Variants in ARHGAP10 observed in about 807,000 individuals in gnomAD.
ARHGAP10 encodes rho GTPase-activating protein 10.
A neutral mutation model predicts 108.6 loss-of-function variants in ARHGAP10; 87 were observed. That is an observed-to-expected ratio of 0.80 (90% confidence interval 0.67 to 0.96). The LOEUF (loss-of-function observed/expected upper bound fraction) is 0.96. Ranked by LOEUF, ARHGAP10 falls within the 40% of genes least tolerant of loss-of-function variation. The probability of loss-of-function intolerance (pLI) is 0.00; values close to 1 mark genes in which losing one functional copy is unlikely to be tolerated. For missense variants in ARHGAP10, 939 were observed against 954.5 expected (o/e 0.98, Z 0.21); for synonymous variants, 347 against 341.1 (o/e 1.02, Z -0.19).
At chr4:147,997,115 A>T (rs1487125384) in intron 18 of ARHGAP10, among the ~76,000 whole-genome samples, 5 of 152,362 alleles carry the variant, frequency 3.3e-5, no homozygotes, top group South Asian at 2.1e-4. Flanking sequence ...ATGGGAAGAG[A>T]TTCAAGAAGT....
chr4:148,034,237 T>C lies in ARHGAP10; in HGVS notation c.1867+10824T>C, dbSNP rs535860224. On this transcript the variant is annotated intron_variant, in intron 19 of 22. Coordinates refer to ENST00000336498, the MANE Select transcript of ARHGAP10 (RefSeq NM_024605.4). ...ATGTTTGGTATGCTTTCAAATAAAA[T>C]GTAATTTAGTCTTTTATTTCTGGTT... 4.7e-4 allele frequency among the ~76,000 whole-genome samples: 72 copies of C among 152,344 alleles called. 1 individual carries two copies. The highest frequency in any genetic ancestry group is 9.0e-4 in the Non-Finnish European group (61 of 68,022).
At chr4:147,994,205 C>T (rs1293053196) in intron 18 of ARHGAP10, among the ~76,000 whole-genome samples, 1 of 152,190 alleles carries the variant, frequency 6.6e-6, no homozygotes, top group African/African-American at 2.4e-5. Context: ...AACATTACTA[C>T]ATGGATGGCT....
chr4:147,889,426 G>T (rs76363573), intron 10 of ARHGAP10, among the ~76,000 whole-genome samples: 1 of 152,018 alleles, frequency 6.6e-6, no homozygotes, highest in Non-Finnish European at 1.5e-5. Flanking sequence ...CAGCCTCCCA[G>T]GTAGCTGGGA....
chr4:147,935,320 A>G (rs1483076750), intron 13 of ARHGAP10, among the ~76,000 whole-genome samples: 1 of 152,166 alleles, frequency 6.6e-6, no homozygotes, highest in East Asian at 1.9e-4. Flanking sequence ...GACATTAGAT[A>G]ATAATAGTGG....
intron 1 of ARHGAP10, among the ~76,000 whole-genome samples, chr4:147,736,128 G>T (rs1254776421): frequency 1.3e-4 from 20 of 150,968 alleles, no homozygotes; most frequent in Non-Finnish European, 8.8e-5. Context: ...AGCTGTGTGT[G>T]TGTGTGTGTG....
At chr4:148,040,814 T>TGGG (rs548288482) in intron 19 of ARHGAP10, among the ~76,000 whole-genome samples, 7 of 151,592 alleles carry the variant, frequency 4.6e-5, no homozygotes, top group African/African-American at 1.7e-4. Context: ...AAAAAAGATT[T>TGGG]GGGGGGGGTT....
At chr4:147,966,199 G>A (rs772356339) in intron 17 of ARHGAP10, among the ~76,000 whole-genome samples, 8 of 152,230 alleles carry the variant, frequency 5.3e-5, no homozygotes, top group East Asian at 1.9e-4. Flanking sequence ...GAGGGGAACA[G>A]TAAACTAAGG....
At chr4:147,784,821 A>T in intron 1 of ARHGAP10, among the ~76,000 whole-genome samples, 1 of 26,942 alleles carries the variant, frequency 3.7e-5, no homozygotes, top group Non-Finnish European at 1.8e-4. Flanking sequence ...ATTATAAAAT[A>T]TATATTATAA....
At chr4:147,800,278 C>CACT (rs1172017526) in intron 1 of ARHGAP10, among the ~76,000 whole-genome samples, 1 of 152,190 alleles carries the variant, frequency 6.6e-6, no homozygotes, top group Non-Finnish European at 1.5e-5. Context: ...TTGAGCCAGA[C>CACT]ACTTGTTGAG....
At chr4:147,959,515 C>T (rs969300192) in intron 16 of ARHGAP10, among the ~76,000 whole-genome samples, 6 of 151,976 alleles carry the variant, frequency 3.9e-5, no homozygotes, top group Admixed American at 2.0e-4. Flanking sequence ...TATCCCTCCC[C>T]GCTCCCCCCA....
Position 147,900,869 on chromosome 4 carries a change from T to C in ARHGAP10, c.1035-5769T>C, listed in dbSNP as rs551063701. 4.6e-5 allele frequency among the ~76,000 whole-genome samples: 7 copies of C among 152,308 alleles called. No individual in the cohort carries two copies. In the South Asian group the frequency reaches 1.5e-3, roughly 32 times the overall value. Reference sequence around the variant, plus strand: ...CACGCCTTGAGACAGGTTCTTGTTATTTTGCCCAGGCTGGTCTCAAACTCC... The same window carrying C: ...CACGCCTTGAGACAGGTTCTTGTTACTTTGCCCAGGCTGGTCTCAAACTCC... On this transcript the variant is annotated intron_variant, in intron 10 of 22. Transcript: ENST00000336498.
At chr4:147,817,965 C>G (rs1258319786) in intron 1 of ARHGAP10, among the ~76,000 whole-genome samples, 1 of 152,126 alleles carries the variant, frequency 6.6e-6, no homozygotes, top group East Asian at 1.9e-4. Context: ...CAGTTGAGAT[C>G]TGGGCAAAAG....
chr4:147,984,977 C>T (rs899479962), intron 18 of ARHGAP10, among the ~76,000 whole-genome samples: 3 of 152,122 alleles, frequency 2.0e-5, no homozygotes, highest in Non-Finnish European at 4.4e-5. Flanking sequence ...GAGGGGTGGT[C>T]CAATGGGTGG....
At chr4:147,796,455 A>G (rs986698158) in intron 1 of ARHGAP10, among the ~76,000 whole-genome samples, 1 of 152,100 alleles carries the variant, frequency 6.6e-6, no homozygotes, top group Non-Finnish European at 1.5e-5. Context: ...CTCTTAGAGG[A>G]GGTACATAAT....
At chr4:147,798,819 A>C (rs1731458840) in intron 1 of ARHGAP10, among the ~76,000 whole-genome samples, 2 of 126,248 alleles carry the variant, frequency 1.6e-5, no homozygotes, top group African/African-American at 3.5e-5. Context: ...ATATATATAG[A>C]CTTTTTACCC....
chr4:148,061,499 A>G (rs1729618686), intron 20 of ARHGAP10, among the ~76,000 whole-genome samples: 1 of 152,116 alleles, frequency 6.6e-6, no homozygotes, highest in Non-Finnish European at 1.5e-5. Context: ...GTGACTGTTG[A>G]TACAGATCAC....
intron 18 of ARHGAP10, among the ~76,000 whole-genome samples, chr4:147,968,903 G>A (rs1045989201): frequency 3.9e-5 from 6 of 152,188 alleles, no homozygotes; most frequent in African/African-American, 1.4e-4. Flanking sequence ...GGGGGCGGAA[G>A]CCATGTTTTG....
chr4:148,063,618 C>T (rs1026501074), intron 21 of ARHGAP10, among the ~76,000 whole-genome samples: 2 of 152,158 alleles, frequency 1.3e-5, no homozygotes, highest in Admixed American at 1.3e-4. Flanking sequence ...GCACATTCTT[C>T]GTTTTAAAAG....
At position 147,856,140 on chromosome 4, in the gene ARHGAP10, T is replaced by C. The variant is rs571510351; in HGVS notation, c.385-1413T>C. Among the ~76,000 whole-genome samples, 4 of 152,226 alleles carry C rather than the reference T, an allele frequency of 2.6e-5. 1 individual carries two copies. The highest frequency in any genetic ancestry group is 9.6e-5 in the African/African-American group (4 of 41,458). On this transcript the variant is annotated intron_variant, in intron 4 of 22. Transcript: ENST00000336498. Reference sequence around the variant, plus strand: ...TACTCAAGAATGTTTATTAAAAATCTGTCAAGTTGGCTGACAGCTTTAGGG... The same window carrying C: ...TACTCAAGAATGTTTATTAAAAATCCGTCAAGTTGGCTGACAGCTTTAGGG...
Sources: allele counts gnomAD v4.1 joint callset (sites outside exome capture counted in the v4.1 genomes callset), GRCh38; gene constraint gnomAD v4.1.1; transcripts MANE v1.5; gene names NCBI Gene and HGNC (gene_info 2026-07-23, HGNC 2026-07-21).